HS3ST3B1: variants seen among roughly 807,000 people sequenced by gnomAD.
HS3ST3B1 encodes heparan sulfate-glucosamine 3-sulfotransferase 3B1.
In HS3ST3B1, 13 loss-of-function variants were observed where a neutral mutation model predicts 21.3. The ratio of observed to expected loss-of-function variants is 0.61; its 90% CI spans 0.40 to 0.97. HS3ST3B1 has a LOEUF of 0.97. Ranked by LOEUF, HS3ST3B1 falls within the 50% of genes least tolerant of loss-of-function variation. The pLI is 0.00. For missense variants in HS3ST3B1, 459 were observed against 554.8 expected (o/e 0.83, Z 1.73); for synonymous variants, 234 against 254.8 (o/e 0.92, Z 0.78).
In HS3ST3B1 at chr17:14,301,607, G is replaced by A. The variant is rs1258457480; in HGVS notation, c.89G>A (p.Arg30Lys). 1 of 1,605,348 alleles carries A rather than the reference G, an allele frequency of 6.2e-7. No individual in the cohort carries two copies. Among genetic ancestry groups the A allele is most frequent in the Non-Finnish European group, 8.5e-7 (1 of 1,178,696 alleles). ...PQPPPPPPPV[R>K]RKLALLFAML... The stretch of plus-strand genomic sequence containing the variant: ...CCGCCGCCGCCCCCGCCGCCGGTGA[G>A]GAGGAAGCTCGCGCTGCTCTTCGCC... Residue 30 changes from arginine (R) to lysine (K), a missense_variant, in exon 1 of 2, where the codon AGG becomes AAG. Around this residue, in one of 3 missense-constraint regions of HS3ST3B1, gnomAD observed 317 missense variants for 278.6 expected, o/e 1.14. Coordinates refer to ENST00000360954, the MANE Select transcript of HS3ST3B1 (RefSeq NM_006041.3).
At chr17:14,304,531 A>C (rs908873659) in intron 1 of HS3ST3B1, 1 of 152,228 alleles carries the variant, frequency 6.6e-6, no homozygotes, top group Admixed American at 6.5e-5. Flanking sequence ...GTCCTTTTTA[A>C]CTTTAAACAG....
intron 1 of HS3ST3B1, among the ~76,000 whole-genome samples, chr17:14,333,481 C>CAA (rs140666601): frequency 1.4e-4 from 21 of 148,634 alleles, no homozygotes; most frequent in African/African-American, 4.5e-4. Flanking sequence ...AAAAAAACAA[C>CAA]AAAAAAAAAC....
rs1437218026 is a variant in HS3ST3B1, at chr17:14,303,440, A to G, written c.554+1368A>G. 1.3e-5 allele frequency among the ~76,000 whole-genome samples: 2 copies of G among 152,018 alleles called. No individual in the cohort carries two copies. The highest frequency in any genetic ancestry group is 2.9e-5 in the Non-Finnish European group (2 of 68,024). ...TCCTTAATGGTTTTTTATTATTGTCAGGAGTTGCCCAAGTCTCGAGGTTTA... is the reference window on the plus strand; with the variant it reads ...TCCTTAATGGTTTTTTATTATTGTCGGGAGTTGCCCAAGTCTCGAGGTTTA... On this transcript the variant is annotated intron_variant, in intron 1 of 1. Transcript: ENST00000360954. This position sits in a 1 kb window ranked among gnomAD's most constrained non-coding sequence, Gnocchi z 5.7.
At chr17:14,315,003 T>A (rs565116322) in intron 1 of HS3ST3B1, among the ~76,000 whole-genome samples, 1 of 152,342 alleles carries the variant, frequency 6.6e-6, no homozygotes, top group African/African-American at 2.4e-5. Context: ...TGGCTGCCAA[T>A]TAAAATCAGA....
intron 1 of HS3ST3B1, among the ~76,000 whole-genome samples, chr17:14,311,170 G>C (rs1909292872): frequency 6.7e-6 from 1 of 148,976 alleles, no homozygotes; most frequent in South Asian, 2.1e-4. Context: ...CTGGGCTCAA[G>C]CGATCCTCCC....
At chr17:14,315,184 A>G (rs1490361796) in intron 1 of HS3ST3B1, among the ~76,000 whole-genome samples, 2 of 152,156 alleles carry the variant, frequency 1.3e-5, no homozygotes, top group Admixed American at 1.3e-4. Context: ...AGAATACCCA[A>G]TGTGTACCAT....
chr17:14,343,151 A>C (rs1597604461), intron 1 of HS3ST3B1, among the ~76,000 whole-genome samples: 1 of 151,974 alleles, frequency 6.6e-6, no homozygotes, highest in Non-Finnish European at 1.5e-5. Context: ...TTGAGGCAGG[A>C]GAATTGCTTG....
chr17:14,329,371 G>GAAAGAA (rs1567641286), intron 1 of HS3ST3B1: 70 of 62,282 alleles, frequency 1.1e-3, no homozygotes, highest in Non-Finnish European at 1.9e-3. Context: ...GAAAGAAAAG[G>GAAAGAA]AAGGAAGGAA....
intron 1 of HS3ST3B1, chr17:14,304,775 C>T (rs950421469): frequency 3.3e-5 from 5 of 152,052 alleles, no homozygotes; most frequent in African/African-American, 9.7e-5. Context: ...TAAAACAAGT[C>T]CTCAAAAACT....
chr17:14,340,668 C>T (rs1194753431), intron 1 of HS3ST3B1, among the ~76,000 whole-genome samples: 1 of 152,124 alleles, frequency 6.6e-6, no homozygotes, highest in Admixed American at 6.5e-5. Context: ...CTGCAACCTC[C>T]GCCTCCCAGG....
intron 1 of HS3ST3B1, among the ~76,000 whole-genome samples, chr17:14,329,737 T>C (rs1262547876): frequency 2.0e-5 from 3 of 152,204 alleles, no homozygotes; most frequent in African/African-American, 7.2e-5. Flanking sequence ...AATGGAATGC[T>C]TCATAGCACA....
intron 1 of HS3ST3B1, among the ~76,000 whole-genome samples, chr17:14,311,470 A>G (rs933088385): frequency 2.0e-5 from 3 of 152,218 alleles, no homozygotes; most frequent in Non-Finnish European, 2.9e-5. Context: ...ACACATGCAC[A>G]GTCTGCCACT....
Position 14,346,256 on chromosome 17 carries a change from T to TTC in HS3ST3B1, c.*611_*612insCT, listed in dbSNP as rs1910572969. On this transcript the variant is annotated 3_prime_UTR_variant, in exon 2 of 2. Coordinates refer to ENST00000360954, the MANE Select transcript of HS3ST3B1 (RefSeq NM_006041.3). ...CACATCCTTTTTTTTTCTTTTTTTT[T>TTC]TTTTTTTTTTTTTGAGATGGAGTCT... 7.0e-6 allele frequency: 1 copy of TTC among 142,364 alleles called. No individual in the cohort carries two copies. Among genetic ancestry groups the TTC allele is most frequent in the Non-Finnish European group, 1.5e-5 (1 of 65,860 alleles). 8.8% of individuals were successfully genotyped at this position (142,364 alleles called of 1,614,324 possible). A position where few individuals can be genotyped will look rare whatever the true frequency, so the allele number is the denominator to read the frequency against.
At chr17:14,318,534 G>A (rs1909567249) in intron 1 of HS3ST3B1, among the ~76,000 whole-genome samples, 1 of 152,192 alleles carries the variant, frequency 6.6e-6, no homozygotes, top group Non-Finnish European at 1.5e-5. Context: ...CTAAGTTTGG[G>A]AACCTTCCAT....
chr17:14,348,702 C>G lies in HS3ST3B1; in HGVS notation c.*3056C>G, dbSNP rs1474739098. ...AAAAGCTCTGATATTCATTGGAGTA[C>G]TTTATTTTTTTTCCTCAGTTTTGTT... On this transcript the variant is annotated 3_prime_UTR_variant, in exon 2 of 2. Transcript: ENST00000360954. 1 of 152,104 alleles carries G rather than the reference C, an allele frequency of 6.6e-6. No individual in the cohort carries two copies. The highest frequency in any genetic ancestry group is 2.4e-5 in the African/African-American group (1 of 41,406). 9.4% of individuals were successfully genotyped at this position (152,104 alleles called of 1,614,324 possible). A position where few individuals can be genotyped will look rare whatever the true frequency, so the allele number is the denominator to read the frequency against.
At chr17:14,305,177 C>T (rs1475796225) in intron 1 of HS3ST3B1, 2 of 152,256 alleles carry the variant, frequency 1.3e-5, no homozygotes, top group Non-Finnish European at 2.9e-5. Context: ...TACGCACTGT[C>T]CATCCACACT....
chr17:14,313,126 G>GTGTATATATATATATATA (rs1567637239), intron 1 of HS3ST3B1, among the ~76,000 whole-genome samples: 1 of 48,788 alleles, frequency 2.0e-5, no homozygotes, highest in African/African-American at 9.6e-5. Flanking sequence ...ATATATATGT[G>GTGTATATATATATATATA]TGTGTGTGTA....
chr17:14,341,347 T>C (rs1320248652), intron 1 of HS3ST3B1, among the ~76,000 whole-genome samples: 2 of 152,124 alleles, frequency 1.3e-5, no homozygotes, highest in Non-Finnish European at 2.9e-5. Context: ...ATTGCCCCCC[T>C]GTGGGGTAGA....
chr17:14,317,078 G>A (rs932899161), intron 1 of HS3ST3B1, among the ~76,000 whole-genome samples: 1 of 152,208 alleles, frequency 6.6e-6, no homozygotes, highest in Non-Finnish European at 1.5e-5. Flanking sequence ...ATGGTTTGTG[G>A]GTGAATAGTT....
Sources: gnomAD v4.1 joint callset for allele counts (sites outside exome capture counted in the v4.1 genomes callset) on GRCh38, gnomAD v4.1.1 for gene constraint, gnomAD v4.1.1 regional missense constraint, Gnocchi (gnomAD v3.1) non-coding constraint, MANE v1.5 for transcripts, NCBI Gene and HGNC (gene_info 2026-07-23, HGNC 2026-07-21) for gene names.